Variants in AUH observed in about 807,000 individuals in gnomAD.
The protein encoded by AUH is AU RNA binding methylglutaconyl-CoA hydratase.
In AUH, 29 loss-of-function variants were observed where a neutral mutation model predicts 42.3. The observed-to-expected ratio is 0.69, with a 90% CI of 0.51 to 0.93. The LOEUF (loss-of-function observed/expected upper bound fraction) is 0.93, where lower values mean the gene tolerates loss of function less well. Among genes scored for constraint, AUH ranks in the 40% least tolerant of loss-of-function variants. AUH has a pLI of 0.00. For synonymous variants in AUH, 174 were observed against 166.4 expected, an observed-to-expected ratio of 1.05 and a Z score of -0.35; for missense variants, 452 against 438.1, an observed-to-expected ratio of 1.03 and a Z score of -0.28.
rs912495230 is a variant in AUH, at chr9:91,215,539, G to C, written c.942+520C>G. Among the ~76,000 whole-genome samples, 3 of 151,406 alleles carry C rather than the reference G, an allele frequency of 2.0e-5. No individual in the cohort carries two copies. In the South Asian group the frequency reaches 6.2e-4, roughly 32 times the overall value. ...AGATGCAACCATCTTTTTTTTTCCT[G>C]AATATTTTCAATTTACACTTGGTTG... On this transcript the variant is annotated intron_variant, in intron 9 of 9. Coordinates refer to ENST00000375731, the MANE Select transcript of AUH (RefSeq NM_001698.3).
At chr9:91,244,885 T>G (rs1483678791) in intron 6 of AUH, among the ~76,000 whole-genome samples, 1 of 152,146 alleles carries the variant, frequency 6.6e-6, no homozygotes, top group Non-Finnish European at 1.5e-5. Flanking sequence ...GATGCAGAGG[T>G]TAAAGGTTAA....
At chr9:91,268,775 C>G (rs1824867919) in intron 6 of AUH, among the ~76,000 whole-genome samples, 1 of 151,946 alleles carries the variant, frequency 6.6e-6, no homozygotes, top group African/African-American at 2.4e-5. Context: ...GTTTTTATGA[C>G]AATATGCCAG....
intron 1 of AUH, among the ~76,000 whole-genome samples, chr9:91,361,064 T>C (rs930872266): frequency 4.6e-5 from 7 of 152,190 alleles, no homozygotes; most frequent in African/African-American, 4.8e-5. Flanking sequence ...CACATTCTTA[T>C]CGCCAGAGCT....
intron 4 of AUH, among the ~76,000 whole-genome samples, chr9:91,300,980 G>C (rs1297314932): frequency 6.6e-6 from 1 of 152,158 alleles, no homozygotes; most frequent in Non-Finnish European, 1.5e-5. Context: ...TCACATCAAT[G>C]CTACTCAATA....
At chr9:91,223,611 G>A (rs1295191426) in intron 6 of AUH, among the ~76,000 whole-genome samples, 1 of 152,202 alleles carries the variant, frequency 6.6e-6, no homozygotes, top group East Asian at 1.9e-4. Flanking sequence ...GGATCATACA[G>A]TAATTCCAGT....
At position 91,246,673 on chromosome 9, in the gene AUH, C is replaced by T. The variant is rs75752062; in HGVS notation, c.656-25681G>A. 1.2e-4 allele frequency among the ~76,000 whole-genome samples: 18 copies of T among 152,300 alleles called. No individual in the cohort carries two copies. In the South Asian group the frequency reaches 3.3e-3, roughly 28 times the overall value. On this transcript the variant is annotated intron_variant, in intron 6 of 9. Transcript: ENST00000375731. Reference sequence around the variant, plus strand: ...GGAATAAGGCTAAAGTCAGAAATCACGCCAAAGGCAAAACACTTGTTTAAA... The same window carrying T: ...GGAATAAGGCTAAAGTCAGAAATCATGCCAAAGGCAAAACACTTGTTTAAA...
chr9:91,350,132 T>C (rs1831851768), intron 3 of AUH, among the ~76,000 whole-genome samples: 1 of 152,256 alleles, frequency 6.6e-6, no homozygotes, highest in South Asian at 2.1e-4. Flanking sequence ...TATTTTTATC[T>C]GTATTTACAT....
At chr9:91,226,091 G>A (rs1173905458) in intron 6 of AUH, among the ~76,000 whole-genome samples, 1 of 147,778 alleles carries the variant, frequency 6.8e-6, no homozygotes, top group Non-Finnish European at 1.5e-5. Context: ...GGGTCAAATG[G>A]TATTTCTAGT....
intron 3 of AUH, among the ~76,000 whole-genome samples, chr9:91,338,953 G>A (rs980013684): frequency 2.6e-5 from 4 of 152,120 alleles, no homozygotes; most frequent in African/African-American, 9.7e-5. Context: ...TTAGACTTCT[G>A]AAACCATATT....
chr9:91,360,594 C>G (rs916753409), intron 1 of AUH, among the ~76,000 whole-genome samples: 5 of 152,154 alleles, frequency 3.3e-5, no homozygotes, highest in African/African-American at 9.7e-5. Context: ...GATAAGTCTG[C>G]CCAAGAACCC....
chr9:91,223,107 T>C (rs755977656), intron 6 of AUH, among the ~76,000 whole-genome samples: 1 of 152,168 alleles, frequency 6.6e-6, no homozygotes, highest in Non-Finnish European at 1.5e-5. Flanking sequence ...GCTGGATGCA[T>C]AACACAACAG....
chr9:91,264,330 G>A (rs542033150), intron 6 of AUH, among the ~76,000 whole-genome samples: 57 of 152,304 alleles, frequency 3.7e-4, no homozygotes, highest in African/African-American at 1.3e-3. Context: ...ACTGAGGCAT[G>A]AGTGGAGGTT....
At chr9:91,246,054 C>T (rs562528664) in intron 6 of AUH, among the ~76,000 whole-genome samples, 4 of 152,120 alleles carry the variant, frequency 2.6e-5, no homozygotes, top group African/African-American at 9.7e-5. Context: ...TGAGCAGATT[C>T]GGTGGAGGCA....
chr9:91,278,794 C>A (rs1050010641), intron 6 of AUH, among the ~76,000 whole-genome samples: 2 of 152,134 alleles, frequency 1.3e-5, no homozygotes, highest in African/African-American at 4.8e-5. Flanking sequence ...CTGGATAAGG[C>A]AACAAAGGAC....
chr9:91,288,310 T>G (rs949004393), intron 6 of AUH, among the ~76,000 whole-genome samples: 2 of 152,196 alleles, frequency 1.3e-5, no homozygotes, highest in East Asian at 3.9e-4. Flanking sequence ...TATTTCATCC[T>G]TGCAAATGTA....
At chr9:91,302,429 A>T (rs1827863124) in intron 4 of AUH, among the ~76,000 whole-genome samples, 1 of 152,144 alleles carries the variant, frequency 6.6e-6, no homozygotes, top group Non-Finnish European at 1.5e-5. Context: ...ATCTCTACTA[A>T]AAATACAAAA....
chr9:91,348,100 C>T (rs1807808645), intron 3 of AUH, among the ~76,000 whole-genome samples: 1 of 150,862 alleles, frequency 6.6e-6, no homozygotes, highest in South Asian at 2.1e-4. Flanking sequence ...AACCTTACAA[C>T]TCAATGAGAT....
chr9:91,215,354 T>C (rs932287049), intron 9 of AUH, among the ~76,000 whole-genome samples: 2 of 152,286 alleles, frequency 1.3e-5, no homozygotes, highest in African/African-American at 2.4e-5. Context: ...TATATATTAA[T>C]AAAATTGCAT....
chr9:91,306,381 C>T, intron 4 of AUH: 1 of 985,358 alleles, frequency 1.0e-6, no homozygotes, highest in Non-Finnish European at 1.2e-6. Context: ...TTTAACAAAA[C>T]TCTTGGCATT....
Sources: allele counts gnomAD v4.1 joint callset (sites outside exome capture counted in the v4.1 genomes callset), GRCh38; gene constraint gnomAD v4.1.1; transcripts MANE v1.5; gene names NCBI Gene and HGNC (gene_info 2026-07-23, HGNC 2026-07-21).